Variants in TMEM260 observed in about 807,000 individuals in gnomAD.
TMEM260 encodes the protein transmembrane protein 260, also known as protein O-mannosyl-transferase TMEM260.
Under a neutral mutation model 88.9 loss-of-function variants are expected in TMEM260, and 82 were observed. The observed-to-expected ratio is 0.92, with a 90% CI of 0.77 to 1.11. TMEM260 has a LOEUF of 1.11. Ranked by LOEUF, TMEM260 falls within the 50% of genes least tolerant of loss-of-function variation. TMEM260 has a pLI of 0.00. For missense variants in TMEM260, 902 were observed against 853.4 expected (o/e 1.06, Z -0.71); for synonymous variants, 314 against 309.3 (o/e 1.02, Z -0.16).
chr14:56,597,385 G>C (rs931464273), intron 3 of TMEM260, among the ~76,000 whole-genome samples: 1 of 152,168 alleles, frequency 6.6e-6, no homozygotes, highest in African/African-American at 2.4e-5. Flanking sequence ...AGGCATTTCA[G>C]ATAAGGGATC....
intron 15 of TMEM260, among the ~76,000 whole-genome samples, chr14:56,645,847 A>G (rs1299402407): frequency 6.6e-6 from 1 of 152,218 alleles, no homozygotes; most frequent in African/African-American, 2.4e-5. Context: ...ATGATGACAA[A>G]AAGGGTAAAG....
downstream of TMEM260, chr14:56,650,478 TG>T (rs1383761081): frequency 1.9e-5 from 3 of 155,210 alleles, no homozygotes; most frequent in Non-Finnish European, 2.9e-5. Context: ...TGCCTTTTTT[TG>T]TTGTTTTTTA....
intron 1 of TMEM260, among the ~76,000 whole-genome samples, chr14:56,581,659 TG>T (rs1885143899): frequency 6.6e-6 from 1 of 152,240 alleles, no homozygotes; most frequent in Non-Finnish European, 1.5e-5. Flanking sequence ...GTGCTTTATA[TG>T]GGTTGTTGTT....
chr14:56,627,742 C>T (rs1888328215), intron 12 of TMEM260, among the ~76,000 whole-genome samples: 1 of 152,192 alleles, frequency 6.6e-6, no homozygotes, highest in Non-Finnish European at 1.5e-5. Context: ...GTTTAGTGAG[C>T]ACCTGTTATT....
intron 1 of TMEM260, among the ~76,000 whole-genome samples, chr14:56,582,259 A>T (rs1341576422): frequency 6.6e-6 from 1 of 152,246 alleles, no homozygotes; most frequent in East Asian, 1.9e-4. Flanking sequence ...ATTTTACTCC[A>T]TAGATTCATC....
At chr14:56,644,384 A>G (rs1322738044) in intron 15 of TMEM260, among the ~76,000 whole-genome samples, 1 of 152,198 alleles carries the variant, frequency 6.6e-6, no homozygotes, top group Non-Finnish European at 1.5e-5. Context: ...GACAAACCTG[A>G]CAAAAACAAG....
chr14:56,642,520 G>C (rs1889673749), intron 15 of TMEM260, among the ~76,000 whole-genome samples: 1 of 152,070 alleles, frequency 6.6e-6, no homozygotes, highest in Admixed American at 6.6e-5. Context: ...TGTGTGGAGG[G>C]AAATTTATAG....
chr14:56,590,429 A>G (rs1483692331), intron 3 of TMEM260, among the ~76,000 whole-genome samples: 1 of 152,324 alleles, frequency 6.6e-6, no homozygotes, highest in African/African-American at 2.4e-5. Context: ...AGCTAAGGCA[A>G]TATTCTGAGC....
intron 12 of TMEM260, among the ~76,000 whole-genome samples, chr14:56,630,975 G>A (rs59421380): frequency 0.043 from 6,585 of 152,162 alleles, 480 homozygotes; most frequent in African/African-American, 0.15. Context: ...TACTGGCGGC[G>A]AGTGTGTGAG....
intron 14 of TMEM260, 55 bp downstream of exon 14, chr14:56,635,007 A>G (rs1355140577): frequency 6.8e-7 from 1 of 1,480,420 alleles, no homozygotes; most frequent in African/African-American, 1.4e-5. Context: ...GCAGGGAAGT[A>G]GCTTATGGCA....
In TMEM260 at chr14:56,632,900, G is replaced by A. The variant is rs1888724304; in HGVS notation, c.1548-95G>A. 4 of 1,231,378 alleles carry A rather than the reference G, an allele frequency of 3.2e-6. No homozygotes were observed. The South Asian group carries it at 5.8e-5, about 18-fold the overall frequency. 76.3% of individuals were successfully genotyped at this position (1,231,378 alleles called of 1,614,324 possible). Reference sequence around the variant, plus strand: ...AAATCATATAGGTAATAACTGTTGGGAAAAAATCTAAAAATGATCTTTCAT... The same window carrying A: ...AAATCATATAGGTAATAACTGTTGGAAAAAAATCTAAAAATGATCTTTCAT... On this transcript the variant is annotated intron_variant, in intron 12 of 15. Transcript: ENST00000261556.
chr14:56,609,548 G>T (rs961525606), intron 6 of TMEM260, among the ~76,000 whole-genome samples: 2 of 152,050 alleles, frequency 1.3e-5, no homozygotes, highest in African/African-American at 4.8e-5. Context: ...TCCACCTACA[G>T]TCGAAACATT....
At chr14:56,607,758 AAAT>A (rs944836246) in intron 5 of TMEM260, among the ~76,000 whole-genome samples, 20 of 152,118 alleles carry the variant, frequency 1.3e-4, no homozygotes, top group Non-Finnish European at 7.4e-5. Context: ...TTCTACCCCA[AAAT>A]AATTCTGATA....
chr14:56,633,267 T>A lies in TMEM260; in HGVS notation c.1724+96T>A, dbSNP rs967464700. The A allele has an allele frequency of 3.0e-5, 31 of 1,026,708 alleles. No individual in the cohort carries two copies. In the Admixed American group the frequency reaches 3.9e-4, roughly 13 times the overall value. The allele number at this position is 1,026,708 out of a possible 1,614,324, so 63.6% of individuals were successfully genotyped here. On this transcript the variant is annotated intron_variant, in intron 13 of 15. Coordinates refer to ENST00000261556, the MANE Select transcript of TMEM260 (RefSeq NM_017799.4). ...TTTGAGATGCCTTCTAATTTTTTTT[T>A]TTATTAATTGTTAATATTGTTACTT...
chr14:56,593,705 T>TTG (rs1886019242), intron 3 of TMEM260, among the ~76,000 whole-genome samples: 2 of 123,096 alleles, frequency 1.6e-5, no homozygotes, highest in Non-Finnish European at 3.4e-5. Flanking sequence ...TTTTTTTTTT[T>TTG]GAGACTGAGT....
At chr14:56,620,842 T>G (rs28382344) in intron 10 of TMEM260, among the ~76,000 whole-genome samples, 5 of 152,196 alleles carry the variant, frequency 3.3e-5, no homozygotes, top group African/African-American at 1.2e-4. Context: ...TTTCATAGAA[T>G]GCTGTCAGAA....
At chr14:56,585,457 A>G (rs1381469366) in intron 2 of TMEM260, among the ~76,000 whole-genome samples, 1 of 152,052 alleles carries the variant, frequency 6.6e-6, no homozygotes, top group Middle Eastern at 3.2e-3. Flanking sequence ...TTTTTTCAAT[A>G]GCCTTTTAAA....
chr14:56,643,230 C>T (rs1274458113), intron 15 of TMEM260, among the ~76,000 whole-genome samples: 1 of 152,204 alleles, frequency 6.6e-6, no homozygotes. Context: ...AGACCAGTAT[C>T]CTTGATGAAC....
At chr14:56,638,043 T>C (rs1407539968) in intron 15 of TMEM260, among the ~76,000 whole-genome samples, 1 of 145,832 alleles carries the variant, frequency 6.9e-6, no homozygotes, top group East Asian at 2.4e-4. Context: ...GAGGATGTCA[T>C]TGGAGTGTCA....
Sources: allele counts gnomAD v4.1 joint callset (sites outside exome capture counted in the v4.1 genomes callset), GRCh38; gene constraint gnomAD v4.1.1; transcripts MANE v1.5; gene names NCBI Gene and HGNC (gene_info 2026-07-23, HGNC 2026-07-21).